Variants in FBXL13 observed in about 807,000 individuals in gnomAD.
FBXL13 encodes F-box and leucine-rich repeat protein 13.
A neutral mutation model predicts 83.6 loss-of-function variants in FBXL13; 67 were observed. The ratio of observed to expected loss-of-function variants is 0.80; its 90% confidence interval spans 0.66 to 0.98. The LOEUF is 0.98. Among genes scored for constraint, FBXL13 ranks in the 50% least tolerant of loss-of-function variants. FBXL13 has a pLI of 0.00. For missense variants in FBXL13, 822 were observed against 866.5 expected, an observed-to-expected ratio of 0.95 and a Z score of 0.64; for synonymous variants, 272 against 299.5, an observed-to-expected ratio of 0.91 and a Z score of 0.95.
chr7:102,896,791 A>C (rs1812303769), intron 11 of FBXL13, among the ~76,000 whole-genome samples: 1 of 152,222 alleles, frequency 6.6e-6, no homozygotes, highest in African/African-American at 2.4e-5. Context: ...CATCTGAATT[A>C]ATTACATCTG....
exon 19 of FBXL13, chr7:102,822,147 C>A (rs774735127): frequency 6.2e-7 from 1 of 1,614,184 alleles, no homozygotes; most frequent in South Asian, 1.1e-5. Flanking sequence ...CAGAGATATC[C>A]AAAATGTGCA....
chr7:103,055,299 A>G, intron 2 of FBXL13, 121 bp from the exon 3 acceptor site: 1 of 493,470 alleles, frequency 2.0e-6, no homozygotes, highest in Non-Finnish European at 3.2e-6. Context: ...ATTTCCCCTT[A>G]GGAGAAGCAG....
At chr7:103,012,804 G>A (rs755074873) in intron 6 of FBXL13, among the ~76,000 whole-genome samples, 11 of 152,116 alleles carry the variant, frequency 7.2e-5, no homozygotes, top group African/African-American at 2.4e-4. Flanking sequence ...CACATGTATC[G>A]ATACTAATCT....
At chr7:103,026,126 C>T (rs1345364410) in intron 5 of FBXL13, among the ~76,000 whole-genome samples, 3 of 151,856 alleles carry the variant, frequency 2.0e-5, no homozygotes, top group African/African-American at 7.3e-5. Flanking sequence ...ACTGCCTGCT[C>T]TCAGGGATTT....
intron 17 of FBXL13, among the ~76,000 whole-genome samples, chr7:102,835,432 C>T (rs1262371434): frequency 7.2e-5 from 11 of 152,158 alleles, no homozygotes; most frequent in Non-Finnish European, 1.6e-4. Context: ...GCCCCTTGTA[C>T]TGCCTGGAAA....
At chr7:102,836,425 A>G (rs892229522) in intron 17 of FBXL13, among the ~76,000 whole-genome samples, 1 of 152,216 alleles carries the variant, frequency 6.6e-6, no homozygotes, top group African/African-American at 2.4e-5. Context: ...ATCACTCATG[A>G]AATTCCATTT....
At chr7:102,913,585 T>A (rs911158210) in intron 10 of FBXL13, among the ~76,000 whole-genome samples, 4 of 152,200 alleles carry the variant, frequency 2.6e-5, no homozygotes, top group Non-Finnish European at 4.4e-5. Context: ...CTTTTAGGTT[T>A]TATCTCTGGA....
chr7:102,963,002 T>C (rs1307725288), intron 8 of FBXL13, among the ~76,000 whole-genome samples: 2 of 136,702 alleles, frequency 1.5e-5, no homozygotes, highest in African/African-American at 2.9e-5. Context: ...TATATATATA[T>C]ATATAAAAAA....
intron 14 of FBXL13, among the ~76,000 whole-genome samples, chr7:102,881,436 C>CAAAAAAA (rs34979881): frequency 1.6e-5 from 1 of 61,410 alleles, no homozygotes; most frequent in Non-Finnish European, 3.3e-5. Flanking sequence ...GACTCCATCT[C>CAAAAAAA]AAAAAAAAAA....
intron 2 of FBXL13, among the ~76,000 whole-genome samples, chr7:103,052,051 C>T (rs1796871106): frequency 6.6e-6 from 1 of 152,174 alleles, no homozygotes; most frequent in Admixed American, 6.5e-5. Flanking sequence ...ATTGGCAGTC[C>T]TCACTGTGCA....
intron 18 of FBXL13, among the ~76,000 whole-genome samples, chr7:102,831,429 A>ACACC (rs751177516): frequency 6.7e-6 from 1 of 148,662 alleles, no homozygotes; most frequent in Non-Finnish European, 1.5e-5. Context: ...ACACACACAC[A>ACACC]CACCCCACTA....
intron 6 of FBXL13, chr7:102,973,604 C>T (rs752009728): frequency 1.3e-6 from 1 of 766,028 alleles, no homozygotes; most frequent in South Asian, 1.3e-5. Context: ...TGAACGGATA[C>T]AAGAATCTTT....
At chr7:102,916,944 T>C (rs2129469696) in intron 10 of FBXL13, among the ~76,000 whole-genome samples, 1 of 152,250 alleles carries the variant, frequency 6.6e-6, no homozygotes, top group East Asian at 1.9e-4. Context: ...TTGAAGTCAT[T>C]TGTGTTAAAT....
rs374980962 is a variant in FBXL13 at position 102,931,865 on chromosome 7, G to A, written c.777+16C>T. 6.2e-7 allele frequency: 1 copy of A among 1,609,666 alleles called. No homozygotes were observed. The highest frequency in any genetic ancestry group is 8.5e-7 in the Non-Finnish European group (1 of 1,177,262). On this transcript the variant is annotated intron_variant, in intron 9 of 19. Transcript: ENST00000313221. The stretch of plus-strand genomic sequence containing the variant: ...AATCTATATAAACAGCAGTAAAAAT[G>A]GTTGCTTATACTCACTGTGAATGTT...
At chr7:102,829,988 A>G (rs758912161) in intron 18 of FBXL13, among the ~76,000 whole-genome samples, 1 of 152,182 alleles carries the variant, frequency 6.6e-6, no homozygotes, top group Non-Finnish European at 1.5e-5. Context: ...GACCAGAACA[A>G]TTCAGATGGT....
intron 8 of FBXL13, among the ~76,000 whole-genome samples, chr7:102,958,567 T>TAAA (rs1269204807): frequency 1.6e-5 from 2 of 123,622 alleles, no homozygotes; most frequent in Admixed American, 8.4e-5. Context: ...ATAATAATAA[T>TAAA]AAAACAGAGA....
At chr7:102,868,952 A>G (rs73406302) in intron 16 of FBXL13, among the ~76,000 whole-genome samples, 29,003 of 152,142 alleles carry the variant, frequency 0.19, 3,038 homozygotes, top group East Asian at 0.43. Context: ...GCAGGCATGA[A>G]CCTCTGTGCC....
intron 8 of FBXL13, among the ~76,000 whole-genome samples, chr7:102,938,676 G>C (rs1307552678): frequency 6.6e-6 from 1 of 152,160 alleles, no homozygotes; most frequent in Non-Finnish European, 1.5e-5. Flanking sequence ...CTGGGGAAAT[G>C]TATATTTATA....
intron 6 of FBXL13, among the ~76,000 whole-genome samples, chr7:103,007,830 G>T (rs1262338642): frequency 1.3e-5 from 2 of 152,140 alleles, no homozygotes; most frequent in Non-Finnish European, 2.9e-5. Flanking sequence ...GAGCTGAAGT[G>T]GCCCAGGGCA....
Sources: allele counts gnomAD v4.1 joint callset (sites outside exome capture counted in the v4.1 genomes callset), GRCh38; gene constraint gnomAD v4.1.1; transcripts MANE v1.5; gene names NCBI Gene and HGNC (gene_info 2026-07-23, HGNC 2026-07-21).